PRKCA: variants seen among roughly 807,000 people sequenced by gnomAD.
PRKCA encodes the protein protein kinase C alpha, also known as protein kinase C alpha type.
In PRKCA, 27 loss-of-function variants were observed where a neutral mutation model predicts 87.0. That is an observed-to-expected ratio of 0.31 (90% CI 0.23 to 0.43). The LOEUF is 0.43. PRKCA is among the 20% of genes least tolerant of loss of function. The pLI is 1.00. For synonymous variants in PRKCA, 329 were observed against 311.1 expected, an observed-to-expected ratio of 1.06 and a Z score of -0.61; for missense variants, 518 against 852.3, an observed-to-expected ratio of 0.61 and a Z score of 4.88.
chr17:66,441,345 A>C (rs74497358), intron 2 of PRKCA, among the ~76,000 whole-genome samples: 2 of 103,946 alleles, frequency 1.9e-5, no homozygotes, highest in African/African-American at 7.6e-5. Flanking sequence ...CCCTGTTTCC[A>C]AAAAAAAAAA....
chr17:66,396,016 G>A (rs1478136623), intron 2 of PRKCA, among the ~76,000 whole-genome samples: 1 of 151,444 alleles, frequency 6.6e-6, no homozygotes, highest in Admixed American at 6.6e-5. Flanking sequence ...GGCACAGGCA[G>A]CATGTCTGTT....
intron 13 of PRKCA, among the ~76,000 whole-genome samples, chr17:66,761,553 T>G (rs1792882490): frequency 6.6e-6 from 1 of 151,434 alleles, no homozygotes; most frequent in African/African-American, 2.4e-5. Flanking sequence ...ACCTCCCAGG[T>G]TCAAGCAATT....
intron 2 of PRKCA, among the ~76,000 whole-genome samples, chr17:66,358,418 A>G (rs2143465391): frequency 6.6e-6 from 1 of 152,208 alleles, no homozygotes; most frequent in South Asian, 2.1e-4. Flanking sequence ...AGATTTGTTC[A>G]TATTTTGCCC....
chr17:66,454,907 G>T (rs1248861429), intron 2 of PRKCA, among the ~76,000 whole-genome samples: 1 of 152,230 alleles, frequency 6.6e-6, no homozygotes, highest in Non-Finnish European at 1.5e-5. Context: ...TTTACTCTGT[G>T]CAATTGTGGG....
intron 3 of PRKCA, among the ~76,000 whole-genome samples, chr17:66,621,487 C>T (rs150364650): frequency 2.6e-5 from 4 of 152,232 alleles, no homozygotes; most frequent in African/African-American, 9.6e-5. Context: ...TCATACCACC[C>T]GTTTTGACCA....
At chr17:66,331,128 C>G (rs570866222) in intron 2 of PRKCA, among the ~76,000 whole-genome samples, 1 of 152,280 alleles carries the variant, frequency 6.6e-6, no homozygotes, top group East Asian at 1.9e-4. Context: ...TCTTATCTCC[C>G]TGCTCCTTGG....
chr17:66,712,141 T>G (rs1973346808), intron 8 of PRKCA, among the ~76,000 whole-genome samples: 1 of 152,160 alleles, frequency 6.6e-6, no homozygotes, highest in Admixed American at 6.6e-5. Context: ...AACTTCTTCC[T>G]GTGGAGTAAA....
intron 2 of PRKCA, among the ~76,000 whole-genome samples, chr17:66,314,026 C>T (rs1905190774): frequency 6.6e-6 from 1 of 152,080 alleles, no homozygotes; most frequent in South Asian, 2.1e-4. Context: ...CCAAAAGCAC[C>T]CCATAACAGG....
At chr17:66,797,215 T>G (rs4254365) in intron 16 of PRKCA, among the ~76,000 whole-genome samples, 79,107 of 151,964 alleles carry the variant, frequency 0.52, 24,483 homozygotes, top group African/African-American at 0.87. Context: ...TATCACAGAA[T>G]GAAAGGGGCT....
At chr17:66,797,514 G>A (rs930292265) in intron 16 of PRKCA, among the ~76,000 whole-genome samples, 3 of 152,198 alleles carry the variant, frequency 2.0e-5, no homozygotes, top group South Asian at 4.1e-4. Flanking sequence ...TTGCTTCGCA[G>A]GGTGTACCCT....
chr17:66,776,663 A>G (rs904845055), intron 14 of PRKCA, among the ~76,000 whole-genome samples: 1 of 152,172 alleles, frequency 6.6e-6, no homozygotes, highest in Admixed American at 6.5e-5. Context: ...AAGCAGGAGC[A>G]AAAGGAAGTA....
At chr17:66,678,879 A>G (rs985916756) in intron 5 of PRKCA, among the ~76,000 whole-genome samples, 8 of 152,250 alleles carry the variant, frequency 5.3e-5, no homozygotes, top group Non-Finnish European at 8.8e-5. Context: ...TTTCACACCC[A>G]CTGCAATCTT....
At chr17:66,360,513 T>C (rs9907700) in intron 2 of PRKCA, among the ~76,000 whole-genome samples, 84,940 of 151,986 alleles carry the variant, frequency 0.56, 24,682 homozygotes, top group Non-Finnish European at 0.65. Context: ...GAAGTTGTGG[T>C]GCGGGGAGGC....
At chr17:66,693,477 T>A (rs903944722) in intron 8 of PRKCA, among the ~76,000 whole-genome samples, 1 of 152,260 alleles carries the variant, frequency 6.6e-6, no homozygotes, top group Non-Finnish European at 1.5e-5. Context: ...TGGGCCCTGC[T>A]GCAAAAATAT....
At chr17:66,328,100 T>A (rs1294608081) in intron 2 of PRKCA, among the ~76,000 whole-genome samples, 2 of 152,062 alleles carry the variant, frequency 1.3e-5, no homozygotes, top group African/African-American at 4.8e-5. Context: ...CAGGTAAGAG[T>A]CAGTGGTGAT....
intron 2 of PRKCA, among the ~76,000 whole-genome samples, chr17:66,445,585 G>A (rs906167189): frequency 2.0e-5 from 3 of 152,136 alleles, no homozygotes; most frequent in East Asian, 1.9e-4. Flanking sequence ...TGCTAATCTC[G>A]TGGCCTTACT....
intron 3 of PRKCA, among the ~76,000 whole-genome samples, chr17:66,532,793 C>T (rs960822039): frequency 3.3e-5 from 5 of 152,194 alleles, no homozygotes; most frequent in Non-Finnish European, 7.4e-5. Flanking sequence ...TTGCTGTGAC[C>T]ATGGACAAGT....
intron 3 of PRKCA, among the ~76,000 whole-genome samples, chr17:66,636,998 T>C (rs572359167): frequency 6.6e-6 from 1 of 151,816 alleles, no homozygotes; most frequent in African/African-American, 2.4e-5. Context: ...AGGCAGGATC[T>C]TTGGCCACAT....
At chr17:66,418,179 A>G (rs1912268916) in intron 2 of PRKCA, among the ~76,000 whole-genome samples, 2 of 152,182 alleles carry the variant, frequency 1.3e-5, no homozygotes, top group South Asian at 4.1e-4. Flanking sequence ...TGGCTTGCAG[A>G]TGTCTGTGGA....
Sources: gnomAD v4.1 joint callset for allele counts (sites outside exome capture counted in the v4.1 genomes callset) on GRCh38, gnomAD v4.1.1 for gene constraint, MANE v1.5 for transcripts, NCBI Gene and HGNC (gene_info 2026-07-23, HGNC 2026-07-21) for gene names.